SLC13A2: variants seen among roughly 807,000 people sequenced by gnomAD.
SLC13A2 encodes the protein Na(+)-coupled citrate transporter.
A neutral mutation model predicts 58.5 loss-of-function variants in SLC13A2; 40 were observed. The ratio of observed to expected loss-of-function variants is 0.68; its 90% confidence interval spans 0.53 to 0.89. The LOEUF (loss-of-function observed/expected upper bound fraction) is 0.89. Ranked by LOEUF, SLC13A2 falls within the 40% of genes least tolerant of loss-of-function variation. SLC13A2 has a pLI of 0.00. For missense variants in SLC13A2, 694 were observed against 772.6 expected (o/e 0.90, Z 1.21); for synonymous variants, 341 against 331.6 (o/e 1.03, Z -0.31).
chr17:28,491,327 C>A, intron 4 of SLC13A2, 110 bp from the exon 5 acceptor site: 2 of 1,199,874 alleles, frequency 1.7e-6, no homozygotes, highest in Non-Finnish European at 2.4e-6. Flanking sequence ...CTTCCAGCCC[C>A]GGTCTGGGCT....
At chr17:28,484,074 A>G (rs2068834851) in intron 1 of SLC13A2, among the ~76,000 whole-genome samples, 1 of 152,212 alleles carries the variant, frequency 6.6e-6, no homozygotes, top group South Asian at 2.1e-4. Flanking sequence ...CCACTCATTC[A>G]GTGTCAACTC....
At chr17:28,479,150 G>T (rs1343435510) in intron 1 of SLC13A2, among the ~76,000 whole-genome samples, 5 of 152,160 alleles carry the variant, frequency 3.3e-5, no homozygotes, top group African/African-American at 1.2e-4. Context: ...GGAGGTTGAG[G>T]CTGCAGTGAG....
intron 1 of SLC13A2, among the ~76,000 whole-genome samples, chr17:28,488,924 C>T (rs1478769949): frequency 6.6e-6 from 1 of 152,228 alleles, no homozygotes; most frequent in Admixed American, 6.5e-5. Context: ...TGGGCCCCTG[C>T]AATCCCACTG....
chr17:28,493,424 C>A (rs574341372), intron 6 of SLC13A2, 147 bp from the exon 7 acceptor site: 2 of 634,800 alleles, frequency 3.2e-6, no homozygotes. Flanking sequence ...TGCTCCTCCT[C>A]CAGAACCTCA....
intron 9 of SLC13A2, among the ~76,000 whole-genome samples, chr17:28,495,194 G>A (rs782133879): frequency 6.6e-6 from 1 of 152,170 alleles, no homozygotes; most frequent in Non-Finnish European, 1.5e-5. Flanking sequence ...TGACCCTGTG[G>A]ACTGTCCCTG....
chr17:28,491,625 A>G lies in SLC13A2; in HGVS notation c.755+8A>G, dbSNP rs782815294. Reference sequence around the variant, plus strand: ...GCAAGGCCAGATCAACTCGTGAGTGACAAGGGGTGGGCCACCTTGGGGGAT... The same window carrying G: ...GCAAGGCCAGATCAACTCGTGAGTGGCAAGGGGTGGGCCACCTTGGGGGAT... On this transcript the variant is annotated splice_region_variant and intron_variant, in intron 5 of 11. Transcript: ENST00000314669. 9.3e-6 allele frequency: 15 copies of G among 1,611,642 alleles called. No individual in the cohort carries two copies. The highest frequency in any genetic ancestry group is 1.3e-5 in the Non-Finnish European group (15 of 1,178,356).
chr17:28,478,315 C>G (rs1555600455), intron 1 of SLC13A2, among the ~76,000 whole-genome samples: 1 of 152,238 alleles, frequency 6.6e-6, no homozygotes, highest in East Asian at 1.9e-4. Flanking sequence ...TCCCACCATA[C>G]TTCAGTCCAG....
intron 1 of SLC13A2, among the ~76,000 whole-genome samples, chr17:28,483,415 C>T (rs2151449673): frequency 6.6e-6 from 1 of 152,186 alleles, no homozygotes; most frequent in African/African-American, 2.4e-5. Context: ...ATTGCTTGAG[C>T]CCAGGAGTTC....
intron 1 of SLC13A2, among the ~76,000 whole-genome samples, chr17:28,486,489 A>C (rs2068884134): frequency 6.6e-6 from 1 of 152,178 alleles, no homozygotes; most frequent in Admixed American, 6.5e-5. Flanking sequence ...CAGGCTGCCT[A>C]GGAGGTGGGA....
At chr17:28,493,911 C>T in intron 7 of SLC13A2, 106 bp from the exon 8 acceptor site, 2 of 1,474,010 alleles carry the variant, frequency 1.4e-6, no homozygotes, top group Non-Finnish European at 1.9e-6. Flanking sequence ...TGAAGGTTCC[C>T]CAGGCTTGTC....
At chr17:28,493,310 G>A (rs2151461785) in intron 6 of SLC13A2, among the ~76,000 whole-genome samples, 1 of 152,284 alleles carries the variant, frequency 6.6e-6, no homozygotes, top group Middle Eastern at 3.4e-3. Flanking sequence ...CTCACCCTGG[G>A]CAAGGGAGGG....
chr17:28,482,652 G>A (rs782644720), intron 1 of SLC13A2, among the ~76,000 whole-genome samples: 15 of 151,946 alleles, frequency 9.9e-5, no homozygotes, highest in African/African-American at 1.7e-4. Flanking sequence ...TTTTTCTCCC[G>A]TCTTCCAGAC....
At chr17:28,474,807 C>T (rs1286891730) in intron 1 of SLC13A2, among the ~76,000 whole-genome samples, 1 of 152,148 alleles carries the variant, frequency 6.6e-6, no homozygotes, top group Non-Finnish European at 1.5e-5. Flanking sequence ...GATCTGGTGC[C>T]AAAGCATGTC....
At position 28,473,746 on chromosome 17, in the gene SLC13A2, C is replaced by T. The variant is rs781830472; in HGVS notation, c.34C>T (p.Arg12Cys). ...CTGCTGGCAGGCCCTGTGGGCCTAT[C>T]GCTCCTACCTGATCGTGTTCTTCGT... ...ATCWQALWAY[R>C]SYLIVFFVPI... The change falls in exon 1 of 12, where the codon CGC (arginine) becomes TGC (cysteine). Residue 12 changes from arginine to cysteine, a missense_variant. Coordinates refer to ENST00000314669, the MANE Select transcript of SLC13A2 (RefSeq NM_003984.4). 2.1e-5 allele frequency: 34 copies of T among 1,614,030 alleles called. No individual in the cohort carries two copies. The highest frequency in any genetic ancestry group is 2.6e-5 in the Non-Finnish European group (31 of 1,180,022).
intron 6 of SLC13A2, among the ~76,000 whole-genome samples, chr17:28,492,568 A>C (rs1375929457): frequency 6.6e-6 from 1 of 152,214 alleles, no homozygotes; most frequent in Non-Finnish European, 1.5e-5. Context: ...AAACAGCAAA[A>C]AGGAGCATCA....
At chr17:28,486,686 A>G (rs1555602011) in intron 1 of SLC13A2, among the ~76,000 whole-genome samples, 1 of 151,890 alleles carries the variant, frequency 6.6e-6, no homozygotes, top group Non-Finnish European at 1.5e-5. Flanking sequence ...GCACTCCCTG[A>G]GGGCAGAGCC....
Position 28,490,533 on chromosome 17 carries a change from A to G in SLC13A2, c.311A>G (p.Asn104Ser). ...GTGGCCATCGCGGTGGAACACTGGA[A>G]CCTGCATAAACGCATCGCCCTCCGT... Reference protein sequence around the residue: ...LLVAIAVEHWNLHKRIALRVL... With the variant: ...LLVAIAVEHWSLHKRIALRVL... The change falls in exon 3 of 12, where the codon AAC becomes AGC. Residue 104 changes from asparagine (N) to serine (S), a missense_variant. Asn to Ser is a conservative substitution (Grantham distance 46). Coordinates refer to ENST00000314669, the MANE Select transcript of SLC13A2 (RefSeq NM_003984.4). The G allele has an allele frequency of 6.2e-7, 1 of 1,613,894 alleles. No individual in the cohort carries two copies. Among genetic ancestry groups the G allele is most frequent in the Non-Finnish European group, 8.5e-7 (1 of 1,179,818 alleles).
In SLC13A2 at chr17:28,496,412, G is replaced by T; in HGVS notation, c.1471-38G>T. The T allele has an allele frequency of 6.4e-7, 1 of 1,560,112 alleles. No homozygotes were observed. The highest frequency in any genetic ancestry group is 8.7e-7 in the Non-Finnish European group (1 of 1,148,688). On this transcript the variant is annotated intron_variant, in intron 10 of 11. Transcript: ENST00000314669. The surrounding 1 kb of genome is among the most constrained non-coding windows in gnomAD (Gnocchi z 4.2). ...GCCATGCCCCTCCCTCTGGCTTGGG[G>T]ACCAAGTTCAGCTCTGCGCCACTGC...
At position 28,496,988 on chromosome 17, in the gene SLC13A2, C is replaced by T. The variant is rs2069157334; in HGVS notation, c.1609-111C>T. The T allele has an allele frequency of 2.6e-6, 3 of 1,152,428 alleles. No homozygotes were observed. The highest frequency in any genetic ancestry group is 2.1e-4 in the Middle Eastern group (1 of 4,844). The allele number at this position is 1,152,428 out of a possible 1,614,324, so 71.4% of individuals were successfully genotyped here. On this transcript the variant is annotated intron_variant, in intron 11 of 11. Coordinates refer to ENST00000314669, the MANE Select transcript of SLC13A2 (RefSeq NM_003984.4). The surrounding 1 kb of genome is among the most constrained non-coding windows in gnomAD (Gnocchi z 4.2). Reference sequence around the variant, plus strand: ...CAGGTTAGACCAACGGGAGGACTTCCCAGAGAGAATTTTGCTGGTAGGAGG... The same window carrying T: ...CAGGTTAGACCAACGGGAGGACTTCTCAGAGAGAATTTTGCTGGTAGGAGG...
Sources: allele counts gnomAD v4.1 joint callset (sites outside exome capture counted in the v4.1 genomes callset), GRCh38; gene constraint gnomAD v4.1.1; non-coding constraint Gnocchi (gnomAD v3.1); transcripts MANE v1.5; gene names NCBI Gene and HGNC (gene_info 2026-07-23, HGNC 2026-07-21).